PDS5B: variants seen among roughly 807,000 people sequenced by gnomAD.
The protein encoded by PDS5B is PDS5 cohesin associated factor B.
PDS5B carries 51 observed loss-of-function variants against 184.1 expected under a neutral mutation model. That is an observed-to-expected ratio of 0.28 (90% confidence interval 0.22 to 0.35). PDS5B has a LOEUF of 0.35. Ranked by LOEUF, PDS5B falls within the 10% of genes least tolerant of loss-of-function variation. PDS5B has a pLI of 1.00. For synonymous variants in PDS5B, 566 were observed against 569.2 expected, an observed-to-expected ratio of 0.99 and a Z score of 0.08; for missense variants, 1,180 against 1,723.3, an observed-to-expected ratio of 0.68 and a Z score of 5.58.
intron 10 of PDS5B, among the ~76,000 whole-genome samples, chr13:32,682,380 A>G (rs1298396679): frequency 6.6e-6 from 1 of 152,122 alleles, no homozygotes; most frequent in African/African-American, 2.4e-5. Flanking sequence ...GAATCATACA[A>G]TGTGTACTAT....
At chr13:32,639,941 G>T (rs1046187416) in intron 1 of PDS5B, among the ~76,000 whole-genome samples, 6 of 152,166 alleles carry the variant, frequency 3.9e-5, no homozygotes, top group Non-Finnish European at 1.5e-5. Context: ...GCAGATGCCG[G>T]TCTTTATTTG....
chr13:32,626,558 A>G (rs937313063), intron 1 of PDS5B, among the ~76,000 whole-genome samples: 2 of 150,742 alleles, frequency 1.3e-5, no homozygotes, highest in African/African-American at 2.4e-5. Context: ...AAATGTGATC[A>G]TGAGCCTCCT....
intron 17 of PDS5B, among the ~76,000 whole-genome samples, chr13:32,706,323 T>A (rs543085750): frequency 1.4e-4 from 20 of 147,600 alleles, no homozygotes; most frequent in South Asian, 2.1e-4. Flanking sequence ...AATAAATAAA[T>A]AAAATAACAT....
intron 12 of PDS5B, among the ~76,000 whole-genome samples, chr13:32,687,699 AAC>A (rs2140825843): frequency 6.6e-6 from 1 of 152,312 alleles, no homozygotes; most frequent in Admixed American, 6.5e-5. Context: ...TTATATAAAA[AAC>A]ACATTATCTG....
chr13:32,676,856 G>A lies in PDS5B; in HGVS notation c.962+897G>A, dbSNP rs561279819. On this transcript the variant is annotated intron_variant, in intron 9 of 34. Coordinates refer to ENST00000315596, the MANE Select transcript of PDS5B (RefSeq NM_015032.4). ...TGAGGCAGGAGGATGGCCTGAACCCGGGAGGTGGAGCTTGCAGTGAGCTGA... is the reference window on the plus strand; with the variant it reads ...TGAGGCAGGAGGATGGCCTGAACCCAGGAGGTGGAGCTTGCAGTGAGCTGA... 1.3e-4 allele frequency among the ~76,000 whole-genome samples: 19 copies of A among 148,930 alleles called. No homozygotes were observed. The South Asian group carries it at 1.7e-3, about 13-fold the overall frequency.
At chr13:32,641,216 A>G (rs1025297021) in intron 1 of PDS5B, among the ~76,000 whole-genome samples, 3 of 152,158 alleles carry the variant, frequency 2.0e-5, no homozygotes, top group African/African-American at 7.2e-5. Flanking sequence ...TTCCCCAAAG[A>G]TGAAAGGAAC....
chr13:32,658,621 A>G lies in PDS5B; in HGVS notation c.497+90A>G. 1.1e-5 allele frequency: 7 copies of G among 631,802 alleles called. No individual in the cohort carries two copies. The East Asian group carries it at 2.0e-4, about 18-fold the overall frequency. 39.1% of individuals were successfully genotyped at this position (631,802 alleles called of 1,614,324 possible). On this transcript the variant is annotated intron_variant, in intron 5 of 34. Coordinates refer to ENST00000315596, the MANE Select transcript of PDS5B (RefSeq NM_015032.4). The stretch of plus-strand genomic sequence containing the variant: ...ATCTGCATAAACTGTTACAATGAAT[A>G]TTAGAAGGCTGAGAGATGTAACTTT...
intron 2 of PDS5B, chr13:32,650,767 A>T (rs966460455): frequency 1.3e-5 from 2 of 152,236 alleles, no homozygotes; most frequent in African/African-American, 4.8e-5. Flanking sequence ...TGTGAGGAGC[A>T]GTGTTTTCCA....
At chr13:32,660,571 G>T (rs1482718790) in intron 6 of PDS5B, among the ~76,000 whole-genome samples, 1 of 152,154 alleles carries the variant, frequency 6.6e-6, no homozygotes, top group Non-Finnish European at 1.5e-5. Flanking sequence ...CTTGTCAACT[G>T]TGCCAAGACA....
intron 23 of PDS5B, 104 bp from the exon 24 acceptor site, chr13:32,745,873 T>C: frequency 1.1e-6 from 1 of 913,294 alleles, no homozygotes; most frequent in Admixed American, 2.4e-5. Flanking sequence ...CAGCATTTTT[T>C]TTTAAACTTT....
chr13:32,680,789 T>G (rs180754550), intron 10 of PDS5B, among the ~76,000 whole-genome samples: 1 of 152,332 alleles, frequency 6.6e-6, no homozygotes, highest in African/African-American at 2.4e-5. Context: ...TGCTTAGTTG[T>G]GATTTTTAAA....
intron 26 of PDS5B, 39 bp downstream of exon 26, chr13:32,755,995 GTTA>G (rs1477575134): frequency 9.8e-7 from 1 of 1,017,896 alleles, no homozygotes; most frequent in Non-Finnish European, 1.5e-6. Context: ...TTTTCTGAAA[GTTA>G]TTTTTTCTCC....
chr13:32,707,958 T>A (rs914676724), intron 18 of PDS5B, among the ~76,000 whole-genome samples: 1 of 151,992 alleles, frequency 6.6e-6, no homozygotes, highest in Admixed American at 6.6e-5. Context: ...CCAGAAGACA[T>A]GCCCACCAAT....
chr13:32,587,081 C>G (rs1429803248), intron 1 of PDS5B, among the ~76,000 whole-genome samples: 2 of 147,578 alleles, frequency 1.4e-5, no homozygotes, highest in African/African-American at 2.4e-5. Flanking sequence ...CGGCGCGGTG[C>G]TCCTGTTGAA....
intron 9 of PDS5B, among the ~76,000 whole-genome samples, chr13:32,678,446 T>C (rs1274579343): frequency 1.3e-5 from 2 of 152,226 alleles, no homozygotes; most frequent in Non-Finnish European, 2.9e-5. Flanking sequence ...GGGAATACTT[T>C]AGGGAAAGTT....
At chr13:32,617,499 C>G (rs186841859) in intron 1 of PDS5B, among the ~76,000 whole-genome samples, 2 of 152,236 alleles carry the variant, frequency 1.3e-5, no homozygotes, top group African/African-American at 4.8e-5. Context: ...GCTATTCTCC[C>G]ACTTGTTTCT....
rs1363443832 is a variant in PDS5B, at chr13:32,655,370, A to T, written c.313-2869A>T. Among the ~76,000 whole-genome samples, 245 of 26,874 alleles carry T rather than the reference A, an allele frequency of 9.1e-3. 6 individuals are homozygous for T. Among genetic ancestry groups the T allele is most frequent in the African/African-American group, 0.041 (234 of 5,696 alleles). The allele number at this position is 26,874 out of a possible 152,430, so 17.6% of individuals were successfully genotyped here. On this transcript the variant is annotated intron_variant, in intron 3 of 34. Coordinates refer to ENST00000315596, the MANE Select transcript of PDS5B (RefSeq NM_015032.4). Reference sequence around the variant, plus strand: ...TTCATGTTCTTTGCCATATATATATATATATTTTTTTTTTTTTTTTTTTTT... The same window carrying T: ...TTCATGTTCTTTGCCATATATATATTTATATTTTTTTTTTTTTTTTTTTTT...
chr13:32,677,677 G>A (rs143714875), intron 9 of PDS5B, among the ~76,000 whole-genome samples: 44 of 151,804 alleles, frequency 2.9e-4, no homozygotes, highest in Non-Finnish European at 5.6e-4. Flanking sequence ...TAGAGCATAT[G>A]CTTTTTTTTT....
In PDS5B at chr13:32,775,707, A is replaced by G. The variant is rs7336793; in HGVS notation, c.*655A>G. ...TGTGAAATAGTCCTGAAGTTCTTGG[A>G]TTACTTTACACCTCAGTATTGATTT... On this transcript the variant is annotated 3_prime_UTR_variant, in exon 35 of 35. Coordinates refer to ENST00000315596, the MANE Select transcript of PDS5B (RefSeq NM_015032.4). 0.027 allele frequency: 12,241 copies of G among 456,040 alleles called. 409 individuals are homozygous for G. Among genetic ancestry groups the G allele is most frequent in the African/African-American group, 0.08 (4,013 of 50,126 alleles). 28.2% of individuals were successfully genotyped at this position (456,040 alleles called of 1,614,324 possible). A position where few individuals can be genotyped will look rare whatever the true frequency, so the allele number is the denominator to read the frequency against.
Sources: allele counts gnomAD v4.1 joint callset (sites outside exome capture counted in the v4.1 genomes callset), GRCh38; gene constraint gnomAD v4.1.1; transcripts MANE v1.5; gene names NCBI Gene and HGNC (gene_info 2026-07-23, HGNC 2026-07-21).